Variants in CTNNA3 observed in about 807,000 individuals in gnomAD.
CTNNA3 encodes catenin alpha-3.
In CTNNA3, 76 loss-of-function variants were observed where a neutral mutation model predicts 95.7. The observed-to-expected ratio is 0.79, with a 90% confidence interval of 0.66 to 0.96. The LOEUF (loss-of-function observed/expected upper bound fraction) is 0.96. CTNNA3 is among the 40% of genes least tolerant of loss of function. The pLI, the probability that CTNNA3 is intolerant of heterozygous loss-of-function variation, is 0.00. For synonymous variants in CTNNA3, 431 were observed against 374.4 expected (o/e 1.15, Z -1.74); for missense variants, 1,191 against 1,089.8 (o/e 1.09, Z -1.31).
chr10:67,044,719 G>A lies in CTNNA3; in HGVS notation c.1047+135598C>T, dbSNP rs187645425. ...TTTTTTTAAAAGAACTCTTAGGGAT[G>A]TTATAAGGATAAAGTAACATAATAG... On this transcript the variant is annotated intron_variant, in intron 7 of 17. Coordinates refer to ENST00000433211, the MANE Select transcript of CTNNA3 (RefSeq NM_013266.4). 2.6e-5 allele frequency among the ~76,000 whole-genome samples: 4 copies of A among 152,226 alleles called. No individual in the cohort carries two copies. The East Asian group carries it at 5.8e-4, about 22-fold the overall frequency.
intron 7 of CTNNA3, among the ~76,000 whole-genome samples, chr10:67,042,151 T>C (rs1372751694): frequency 6.6e-6 from 1 of 152,142 alleles, no homozygotes; most frequent in East Asian, 1.9e-4. Context: ...AATTCTAAAA[T>C]GTGTTTTATG....
intron 7 of CTNNA3, among the ~76,000 whole-genome samples, chr10:67,174,000 CTTTCACCTCTGTATTGCTCTCTGCT>C (rs1564942197): frequency 6.6e-6 from 1 of 152,156 alleles, no homozygotes; most frequent in Non-Finnish European, 1.5e-5. Flanking sequence ...CCTTTAGGGA[CTTTCACCTCTGTATTGCTCTCTGCT>C]TTTCACCTCT....
At chr10:67,725,774 T>G (rs1205489418) in intron 1 of CTNNA3, among the ~76,000 whole-genome samples, 6 of 151,152 alleles carry the variant, frequency 4.0e-5, no homozygotes, top group Non-Finnish European at 7.4e-5. Flanking sequence ...GCAAAAGGCT[T>G]AAGAAGATTC....
chr10:65,948,280 C>CAAAAAAAA (rs56966630), intron 17 of CTNNA3, among the ~76,000 whole-genome samples: 10 of 97,672 alleles, frequency 1.0e-4, no homozygotes, highest in South Asian at 3.1e-4. Flanking sequence ...GACTCCATCT[C>CAAAAAAAA]AAAAAAAAAA....
intron 10 of CTNNA3, among the ~76,000 whole-genome samples, chr10:66,595,749 C>A (rs2605495): frequency 0.63 from 96,127 of 151,830 alleles, 31,054 homozygotes; most frequent in East Asian, 0.91. Context: ...TGATCCTCCC[C>A]CCTTAGCCTC....
intron 1 of CTNNA3, among the ~76,000 whole-genome samples, chr10:67,742,358 C>A (rs983278417): frequency 6.6e-6 from 1 of 151,090 alleles, no homozygotes; most frequent in African/African-American, 2.4e-5. Context: ...CACTCAAAAC[C>A]ACTCAACTAC....
intron 12 of CTNNA3, among the ~76,000 whole-genome samples, chr10:66,302,542 A>T: frequency 6.6e-6 from 1 of 152,134 alleles, no homozygotes; most frequent in Non-Finnish European, 1.5e-5. Flanking sequence ...ACTAAATGCA[A>T]TGTGATATTC....
chr10:66,181,362 T>C (rs2086028078), intron 13 of CTNNA3, among the ~76,000 whole-genome samples: 1 of 152,168 alleles, frequency 6.6e-6, no homozygotes, highest in African/African-American at 2.4e-5. Context: ...TAACACAGTT[T>C]CAGAACTTAA....
At chr10:67,515,648 A>G (rs61866950) in intron 5 of CTNNA3, among the ~76,000 whole-genome samples, 3,673 of 152,326 alleles carry the variant, frequency 0.024, 63 homozygotes, top group Non-Finnish European at 0.035. Flanking sequence ...ATAGAATACC[A>G]CCTAAGACAG....
At chr10:66,745,841 C>T (rs1187141456) in intron 9 of CTNNA3, among the ~76,000 whole-genome samples, 2 of 151,624 alleles carry the variant, frequency 1.3e-5, no homozygotes, top group Non-Finnish European at 2.9e-5. Context: ...CCTCGTGATC[C>T]GCCTGCCTTG....
intron 5 of CTNNA3, among the ~76,000 whole-genome samples, chr10:67,486,523 A>C (rs926926033): frequency 6.6e-6 from 1 of 151,948 alleles, no homozygotes; most frequent in African/African-American, 2.4e-5. Flanking sequence ...CTGCTTCCCT[A>C]CCATACTTTG....
intron 7 of CTNNA3, among the ~76,000 whole-genome samples, chr10:66,868,154 C>T (rs1243316763): frequency 3.4e-5 from 5 of 145,322 alleles, no homozygotes; most frequent in Non-Finnish European, 6.0e-5. Context: ...GTCAGGAGTT[C>T]AAGACCACCC....
At chr10:66,119,569 C>T (rs72795303) in intron 13 of CTNNA3, among the ~76,000 whole-genome samples, 17,080 of 152,056 alleles carry the variant, frequency 0.11, 1,352 homozygotes, top group African/African-American at 0.22. Flanking sequence ...GGGGATTAGG[C>T]TGTGTAATTG....
At chr10:66,017,245 C>T (rs1054578009) in intron 15 of CTNNA3, among the ~76,000 whole-genome samples, 9 of 151,972 alleles carry the variant, frequency 5.9e-5, no homozygotes, top group Non-Finnish European at 1.2e-4. Flanking sequence ...TGTTCTCATA[C>T]CAGTGTGGTG....
intron 10 of CTNNA3, among the ~76,000 whole-genome samples, chr10:66,550,298 A>T (rs1249899605): frequency 6.6e-6 from 1 of 151,968 alleles, no homozygotes; most frequent in African/African-American, 2.4e-5. Flanking sequence ...CTTTTTACTT[A>T]CCTTCAGTCT....
At chr10:67,624,324 T>G (rs1843953115) in intron 2 of CTNNA3, among the ~76,000 whole-genome samples, 1 of 152,106 alleles carries the variant, frequency 6.6e-6, no homozygotes, top group African/African-American at 2.4e-5. Flanking sequence ...TGGACAGACG[T>G]TTGTCAAAAA....
chr10:66,367,328 T>C (rs568831921), intron 12 of CTNNA3, among the ~76,000 whole-genome samples: 13 of 152,090 alleles, frequency 8.5e-5, no homozygotes, highest in Admixed American at 2.0e-4. Flanking sequence ...AAAGTCAGTG[T>C]CAGACCTCCA....
chr10:66,934,197 G>T (rs953849666), intron 7 of CTNNA3, among the ~76,000 whole-genome samples: 1 of 151,954 alleles, frequency 6.6e-6, no homozygotes, highest in Non-Finnish European at 1.5e-5. Context: ...AAGAAAAACA[G>T]CTTCTATCTT....
rs532702747 is a variant in CTNNA3 at position 66,460,265 on chromosome 10, C to T, written c.1531+60352G>A. Among the ~76,000 whole-genome samples the T allele has an allele frequency of 5.6e-4, 85 of 152,278 alleles. 1 individual carries two copies. The highest frequency in any genetic ancestry group is 1.0e-3 in the Non-Finnish European group (71 of 68,034). On this transcript the variant is annotated intron_variant, in intron 11 of 17. Transcript: ENST00000433211. ...TTAAACAGTTTAATTTAATGCTGCC[C>T]TCAGGCTGAGAAACTTGTGCCAGAA...
Sources: allele counts gnomAD v4.1 joint callset (sites outside exome capture counted in the v4.1 genomes callset), GRCh38; gene constraint gnomAD v4.1.1; transcripts MANE v1.5; gene names NCBI Gene and HGNC (gene_info 2026-07-23, HGNC 2026-07-21).